Variants in GPR89B observed in about 807,000 individuals in gnomAD.
The protein encoded by GPR89B is golgi pH regulator B.
GPR89B carries 25 observed loss-of-function variants against 52.4 expected under a neutral mutation model. The ratio of observed to expected loss-of-function variants is 0.48; its 90% CI spans 0.35 to 0.67. GPR89B has a LOEUF of 0.67. GPR89B is among the 30% of genes least tolerant of loss of function. The probability of loss-of-function intolerance (pLI) is 0.01; values close to 1 mark genes in which losing one functional copy is unlikely to be tolerated. For missense variants in GPR89B, 146 were observed against 450.2 expected, an observed-to-expected ratio of 0.32 and a Z score of 6.11; for synonymous variants, 52 against 151.2, an observed-to-expected ratio of 0.34 and a Z score of 4.81.
At chr1:147,999,147 GA>G in the GPR89B span, among the ~76,000 whole-genome samples, 1 of 151,128 alleles carries the variant, frequency 6.6e-6, no homozygotes. Context: ...GGAGGGGTCA[GA>G]ATCCCCTTTA....
intron 1 of GPR89B, among the ~76,000 whole-genome samples, chr1:147,933,913 AC>A (rs1173525619): frequency 1.3e-5 from 2 of 152,072 alleles, no homozygotes; most frequent in African/African-American, 4.8e-5. Flanking sequence ...TGCTTAAATA[AC>A]CCTCACCACC....
chr1:147,951,411 C>G (rs587631107), intron 5 of GPR89B, among the ~76,000 whole-genome samples: 142 of 152,060 alleles, frequency 9.3e-4, no homozygotes, highest in Admixed American at 2.4e-3. Context: ...AGCTGGATTG[C>G]AGTCAGTTAA....
At chr1:147,982,006 TA>T (rs1173005050) in intron 10 of GPR89B, among the ~76,000 whole-genome samples, 6 of 151,896 alleles carry the variant, frequency 4.0e-5, no homozygotes, top group African/African-American at 1.5e-4. Flanking sequence ...TGTGTATATC[TA>T]GGGGTAGAAT....
chr1:147,941,901 TTCA>T (rs1654588605), intron 3 of GPR89B, among the ~76,000 whole-genome samples: 1 of 151,258 alleles, frequency 6.6e-6, no homozygotes. Flanking sequence ...TATAGTTCAT[TTCA>T]TCATCCTGTA....
chr1:147,995,470 T>C (rs2149099881), downstream of GPR89B: 1 of 1,063,668 alleles, frequency 9.4e-7, no homozygotes, highest in Non-Finnish European at 1.4e-6. Flanking sequence ...TTGTTAGTTA[T>C]CTTTACATTG....
the GPR89B span, among the ~76,000 whole-genome samples, chr1:148,023,051 T>C: frequency 2.0e-5 from 3 of 151,918 alleles, 1 homozygote; most frequent in African/African-American, 7.3e-5. Context: ...GTAGTTCGCA[T>C]AGTACCCAAT....
intron 2 of GPR89B, among the ~76,000 whole-genome samples, 195 bp downstream of exon 2, chr1:147,936,881 T>G (rs1253752179): frequency 1.3e-5 from 2 of 152,034 alleles, no homozygotes; most frequent in African/African-American, 4.8e-5. Flanking sequence ...AAATCAAATA[T>G]AGCCCAGAAG....
intron 3 of GPR89B, among the ~76,000 whole-genome samples, chr1:147,940,829 TCCC>T (rs1654498222): frequency 6.6e-6 from 1 of 150,798 alleles, no homozygotes; most frequent in Non-Finnish European, 1.5e-5. Flanking sequence ...GTAGATGATG[TCCC>T]CCAACTTTTA....
intron 9 of GPR89B, chr1:147,969,390 TA>T (rs1229703686): frequency 9.4e-6 from 2 of 212,904 alleles, no homozygotes; most frequent in African/African-American, 4.7e-5. Flanking sequence ...GTAACTTTCC[TA>T]TGTACACCTA....
At chr1:147,940,247 C>G (rs1282835797) in intron 3 of GPR89B, among the ~76,000 whole-genome samples, 3 of 151,556 alleles carry the variant, frequency 2.0e-5, no homozygotes, top group Non-Finnish European at 4.4e-5. Flanking sequence ...ACTAAAAATA[C>G]AAAAAATTAG....
At chr1:147,962,151 C>T (rs1405879570) in intron 7 of GPR89B, among the ~76,000 whole-genome samples, 5 of 151,830 alleles carry the variant, frequency 3.3e-5, no homozygotes, top group African/African-American at 7.3e-5. Flanking sequence ...TGGCCAGGCA[C>T]GGTGGCTCAC....
chr1:147,936,711 C>G, intron 2 of GPR89B, 25 bp downstream of exon 2: 1 of 1,589,000 alleles, frequency 6.3e-7, no homozygotes, highest in Non-Finnish European at 8.6e-7. Context: ...TTTTGTCATA[C>G]TTACACTATA....
chr1:147,943,719 A>G (rs1654740872), intron 4 of GPR89B, among the ~76,000 whole-genome samples, 175 bp downstream of exon 4: 3 of 151,372 alleles, frequency 2.0e-5, no homozygotes. Flanking sequence ...AATTGGCACA[A>G]AATAAATATT....
At chr1:147,975,617 C>T (rs1467963961) in intron 10 of GPR89B, among the ~76,000 whole-genome samples, 3 of 152,122 alleles carry the variant, frequency 2.0e-5, no homozygotes, top group Admixed American at 6.5e-5. Context: ...CTCCTGGATT[C>T]GTTGATTTTT....
chr1:147,983,384 C>T (rs1281799283), intron 10 of GPR89B, among the ~76,000 whole-genome samples: 2 of 152,018 alleles, frequency 1.3e-5, no homozygotes, highest in African/African-American at 4.8e-5. Flanking sequence ...TCAGAGTGAA[C>T]AGGCAACCTA....
chr1:148,002,697 T>G, the GPR89B span, among the ~76,000 whole-genome samples: 1 of 152,126 alleles, frequency 6.6e-6, no homozygotes, highest in Non-Finnish European at 1.5e-5. Flanking sequence ...ATAAGCCAAG[T>G]TCAAACTCAT....
chr1:148,021,329 C>T, the GPR89B span, among the ~76,000 whole-genome samples: 2 of 151,730 alleles, frequency 1.3e-5, no homozygotes, highest in Admixed American at 1.3e-4. Context: ...GGTGAAACCC[C>T]GTCTCTACTA....
chr1:147,963,729 A>G (rs1279702529), intron 7 of GPR89B, among the ~76,000 whole-genome samples: 2 of 152,212 alleles, frequency 1.3e-5, no homozygotes, highest in African/African-American at 4.8e-5. Context: ...TGGATCACTC[A>G]TACATTGCTG....
intron 10 of GPR89B, among the ~76,000 whole-genome samples, chr1:147,978,294 G>A (rs1175732900): frequency 7.2e-5 from 11 of 151,970 alleles, no homozygotes; most frequent in Admixed American, 4.6e-4. Context: ...TACCCTACTC[G>A]CCTGGGTCCC....
Sources: gnomAD v4.1 joint callset for allele counts (sites outside exome capture counted in the v4.1 genomes callset) on GRCh38, gnomAD v4.1.1 for gene constraint, MANE v1.5 for transcripts, NCBI Gene and HGNC (gene_info 2026-07-23, HGNC 2026-07-21) for gene names.